Variants in UVRAG observed in about 807,000 individuals in gnomAD.
UVRAG encodes the protein UV radiation resistance associated.
A neutral mutation model predicts 78.0 loss-of-function variants in UVRAG; 19 were observed. The observed-to-expected ratio is 0.24, with a 90% CI of 0.17 to 0.36. The LOEUF is 0.36. UVRAG is among the 10% of genes least tolerant of loss of function. UVRAG has a pLI of 1.00. For synonymous variants in UVRAG, 323 were observed against 324.6 expected, an observed-to-expected ratio of 1.00 and a Z score of 0.05; for missense variants, 740 against 853.8, an observed-to-expected ratio of 0.87 and a Z score of 1.66.
At chr11:76,047,241 G>A (rs894303049) in intron 12 of UVRAG, among the ~76,000 whole-genome samples, 2 of 152,164 alleles carry the variant, frequency 1.3e-5, no homozygotes, top group African/African-American at 2.4e-5. Flanking sequence ...TTTGCACTGG[G>A]CCCTGAAGGG....
chr11:76,075,727 C>T (rs575991256), intron 13 of UVRAG, among the ~76,000 whole-genome samples: 12 of 152,292 alleles, frequency 7.9e-5, no homozygotes, highest in African/African-American at 2.6e-4. Context: ...ACCCTGTACC[C>T]ACTAGTAGTC....
At chr11:76,081,539 G>C (rs1951494199) in intron 13 of UVRAG, among the ~76,000 whole-genome samples, 1 of 151,804 alleles carries the variant, frequency 6.6e-6, no homozygotes, top group Non-Finnish European at 1.5e-5. Context: ...CTAAGCCTTG[G>C]CTCCTTCTAA....
intron 13 of UVRAG, among the ~76,000 whole-genome samples, chr11:76,108,976 T>C (rs1952022258): frequency 6.6e-6 from 1 of 152,176 alleles, no homozygotes; most frequent in Non-Finnish European, 1.5e-5. Flanking sequence ...AAAGTAAAGC[T>C]GAAATTCAAA....
intron 12 of UVRAG, among the ~76,000 whole-genome samples, chr11:76,033,208 A>G (rs1950468367): frequency 6.6e-6 from 1 of 152,184 alleles, no homozygotes; most frequent in Admixed American, 6.5e-5. Context: ...CATCAGATAC[A>G]CCTTGAACCA....
intron 12 of UVRAG, among the ~76,000 whole-genome samples, chr11:76,041,453 GTA>G (rs556243815): frequency 1.3e-5 from 2 of 152,194 alleles, no homozygotes; most frequent in Non-Finnish European, 2.9e-5. Context: ...AAGGGAGTTG[GTA>G]TTGGTCAGCA....
In UVRAG at chr11:76,008,794, AT is replaced by A. The variant is rs1279847473; in HGVS notation, c.1000-11del. The A allele has an allele frequency of 7.0e-7, 1 of 1,422,288 alleles. No individual in the cohort carries two copies. Among genetic ancestry groups the A allele is most frequent in the Middle Eastern group, 2.5e-4 (1 of 4,040 alleles). The allele number at this position is 1,422,288 out of a possible 1,614,324, so 88.1% of individuals were successfully genotyped here. ...CTTTATTTATTAATTTTATTCTTTA[AT>A]TAAATTCACAGAATGAACATAAGGA... On this transcript the variant is annotated splice_polypyrimidine_tract_variant and intron_variant, in intron 10 of 14. Transcript: ENST00000356136.
chr11:75,858,504 G>T (rs2134773058), intron 2 of UVRAG, among the ~76,000 whole-genome samples: 1 of 151,932 alleles, frequency 6.6e-6, no homozygotes, highest in East Asian at 1.9e-4. Flanking sequence ...TTTATTTACT[G>T]GCTCCTATTG....
At chr11:76,109,938 A>G (rs1179962557) in intron 13 of UVRAG, among the ~76,000 whole-genome samples, 1 of 152,130 alleles carries the variant, frequency 6.6e-6, no homozygotes, top group Non-Finnish European at 1.5e-5. Flanking sequence ...CCATTTCACT[A>G]TATAATTATT....
At chr11:75,821,939 C>CT (rs1945397413) in intron 1 of UVRAG, among the ~76,000 whole-genome samples, 2 of 141,170 alleles carry the variant, frequency 1.4e-5, no homozygotes, top group Non-Finnish European at 1.5e-5. Context: ...TGATTTATCA[C>CT]TGTTTTTTTT....
At chr11:75,855,302 G>C (rs990135042) in intron 2 of UVRAG, among the ~76,000 whole-genome samples, 1 of 152,216 alleles carries the variant, frequency 6.6e-6, no homozygotes, top group African/African-American at 2.4e-5. Context: ...GACAGAGCAC[G>C]GGGAAGTCCG....
chr11:76,061,234 C>G (rs1205079869), intron 12 of UVRAG, among the ~76,000 whole-genome samples: 1 of 152,168 alleles, frequency 6.6e-6, no homozygotes, highest in East Asian at 1.9e-4. Flanking sequence ...CACTCTGTAT[C>G]TAGCTCATCT....
At chr11:75,856,522 A>G (rs528290346) in intron 2 of UVRAG, among the ~76,000 whole-genome samples, 1 of 151,726 alleles carries the variant, frequency 6.6e-6, no homozygotes, top group Non-Finnish European at 1.5e-5. Flanking sequence ...ACAGCTCACT[A>G]TAGCCTCAAC....
chr11:75,855,578 C>T (rs960163982), intron 2 of UVRAG, among the ~76,000 whole-genome samples: 1 of 152,130 alleles, frequency 6.6e-6, no homozygotes, highest in African/African-American at 2.4e-5. Context: ...TTGGTCGGAC[C>T]TATTATGACA....
At chr11:75,983,366 C>A (rs755152332) in intron 7 of UVRAG, 21 bp from the exon 8 acceptor site, 12 of 1,554,504 alleles carry the variant, frequency 7.7e-6, no homozygotes, top group Admixed American at 1.8e-5. Context: ...CATAAATATA[C>A]CTGTGATTTT....
chr11:76,094,814 G>A (rs1205512415), intron 13 of UVRAG, among the ~76,000 whole-genome samples: 1 of 152,114 alleles, frequency 6.6e-6, no homozygotes, highest in Non-Finnish European at 1.5e-5. Flanking sequence ...GAAGCTTGGA[G>A]CATGTGGACA....
chr11:76,132,492 G>A (rs1952529823), intron 14 of UVRAG, among the ~76,000 whole-genome samples: 2 of 151,964 alleles, frequency 1.3e-5, no homozygotes, highest in African/African-American at 4.8e-5. Context: ...ATACTTTACA[G>A]TGTGGGACCT....
At chr11:75,840,640 C>CT (rs1169752557) in intron 1 of UVRAG, among the ~76,000 whole-genome samples, 2 of 152,126 alleles carry the variant, frequency 1.3e-5, no homozygotes, top group Non-Finnish European at 2.9e-5. Flanking sequence ...AGAATAAAGG[C>CT]TTTAGTTCCA....
chr11:75,975,387 T>G (rs1033458545), intron 7 of UVRAG, among the ~76,000 whole-genome samples: 3 of 152,332 alleles, frequency 2.0e-5, no homozygotes, highest in African/African-American at 4.8e-5. Context: ...AAGTAGTTTT[T>G]TCCAATTCTG....
intron 12 of UVRAG, among the ~76,000 whole-genome samples, chr11:76,051,796 G>A (rs7939974): frequency 0.011 from 1,674 of 152,028 alleles, 32 homozygotes; most frequent in African/African-American, 0.038. Flanking sequence ...TGGCACATAC[G>A]TCTCATATTT....
Sources: allele counts gnomAD v4.1 joint callset (sites outside exome capture counted in the v4.1 genomes callset), GRCh38; gene constraint gnomAD v4.1.1; transcripts MANE v1.5; gene names NCBI Gene and HGNC (gene_info 2026-07-23, HGNC 2026-07-21).